The following ROBO1 variants were observed in gnomAD, a reference collection of about 807,000 sequenced individuals.
ROBO1 encodes roundabout homolog 1.
ROBO1 carries 149 observed loss-of-function variants against 195.9 expected under a neutral mutation model. The ratio of observed to expected loss-of-function variants is 0.76; its 90% CI spans 0.67 to 0.87. The LOEUF is 0.87. ROBO1 is among the 40% of genes least tolerant of loss of function. ROBO1 has a pLI of 0.00. For synonymous variants in ROBO1, 816 were observed against 733.2 expected, an observed-to-expected ratio of 1.11 and a Z score of -1.82; for missense variants, 1,933 against 2,068.3, an observed-to-expected ratio of 0.93 and a Z score of 1.27.
intron 18 of ROBO1, among the ~76,000 whole-genome samples, chr3:78,656,045 T>A (rs1248993029): frequency 2.0e-5 from 3 of 152,194 alleles, no homozygotes; most frequent in Non-Finnish European, 2.9e-5. Context: ...TTTACTAGCA[T>A]GCACTTACTA....
At chr3:79,081,404 A>C (rs2079272508) in intron 3 of ROBO1, among the ~76,000 whole-genome samples, 1 of 152,128 alleles carries the variant, frequency 6.6e-6, no homozygotes, top group South Asian at 2.1e-4. Context: ...CACTTTGTAA[A>C]CTCGAATCTT....
At position 79,121,011 on chromosome 3, in the gene ROBO1, C is replaced by T. The variant is rs534459445; in HGVS notation, c.172+4445G>A. On this transcript the variant is annotated intron_variant, in intron 3 of 30. Coordinates refer to ENST00000464233, the MANE Select transcript of ROBO1 (RefSeq NM_002941.4). ...AGCTTATAGACACAACTCATTTAAA[C>T]TCAAGACTATGTGAGATTAGGAAGA... Among the ~76,000 whole-genome samples, 12 of 152,220 alleles carry T rather than the reference C, an allele frequency of 7.9e-5. No individual in the cohort carries two copies. The South Asian group carries it at 2.5e-3, about 32-fold the overall frequency.
chr3:78,883,366 T>C (rs2036299919), intron 4 of ROBO1, among the ~76,000 whole-genome samples: 1 of 152,220 alleles, frequency 6.6e-6, no homozygotes, highest in Non-Finnish European at 1.5e-5. Flanking sequence ...TACACCTGTT[T>C]GTCTTCAACC....
chr3:79,294,632 C>G (rs1216118346), intron 2 of ROBO1, among the ~76,000 whole-genome samples: 1 of 151,926 alleles, frequency 6.6e-6, no homozygotes, highest in Non-Finnish European at 1.5e-5. Context: ...CTCTGCACAA[C>G]AAAAGAAACA....
At chr3:79,409,741 G>C (rs940755785) in intron 2 of ROBO1, among the ~76,000 whole-genome samples, 1 of 152,060 alleles carries the variant, frequency 6.6e-6, no homozygotes, top group African/African-American at 2.4e-5. Context: ...CTATTCTGTT[G>C]CTTTTTGGCA....
chr3:79,552,859 T>C (rs1942571461), intron 2 of ROBO1, among the ~76,000 whole-genome samples: 1 of 152,092 alleles, frequency 6.6e-6, no homozygotes, highest in African/African-American at 2.4e-5. Context: ...GTTCAGGTGT[T>C]TATTACTGCA....
Position 79,351,987 on chromosome 3 carries a change from A to G in ROBO1, c.89-226448T>C, listed in dbSNP as rs1413063309. On this transcript the variant is annotated intron_variant, in intron 2 of 30. Transcript: ENST00000464233. The stretch of plus-strand genomic sequence containing the variant: ...ATAAAAATAAGCTAACTGCCATTCT[A>G]CATAAGCATTCCTCTGTCCTTGCTG... 3.9e-5 allele frequency among the ~76,000 whole-genome samples: 6 copies of G among 152,322 alleles called. No individual in the cohort carries two copies. The East Asian group carries it at 1.2e-3, about 29-fold the overall frequency.
chr3:79,725,181 A>C (rs1048564864), intron 1 of ROBO1, among the ~76,000 whole-genome samples: 1 of 150,438 alleles, frequency 6.6e-6, no homozygotes, highest in African/African-American at 2.4e-5. Flanking sequence ...TGGTTTCCCA[A>C]TGCTATGTAA....
chr3:79,661,926 T>C (rs1946340815), intron 1 of ROBO1, among the ~76,000 whole-genome samples: 1 of 152,044 alleles, frequency 6.6e-6, no homozygotes, highest in Admixed American at 6.6e-5. Context: ...TTATATTTTC[T>C]CTTTTTTTTT....
intron 5 of ROBO1, among the ~76,000 whole-genome samples, chr3:78,738,627 A>G (rs2082449393): frequency 6.6e-6 from 1 of 152,124 alleles, no homozygotes; most frequent in Non-Finnish European, 1.5e-5. Flanking sequence ...AACTGTCCCC[A>G]TTTTCCCAGA....
At chr3:79,484,086 T>G (rs1334529241) in intron 2 of ROBO1, among the ~76,000 whole-genome samples, 5 of 152,210 alleles carry the variant, frequency 3.3e-5, no homozygotes, top group African/African-American at 1.2e-4. Context: ...CCTCTAAGGA[T>G]AGAAACAGCA....
intron 25 of ROBO1, among the ~76,000 whole-genome samples, chr3:78,628,520 T>A (rs1236343563): frequency 6.6e-6 from 1 of 152,150 alleles, no homozygotes; most frequent in Admixed American, 6.5e-5. Flanking sequence ...TCTTTTCTCT[T>A]ATCCCAGGGC....
chr3:79,604,256 G>A (rs1387568074), intron 1 of ROBO1, among the ~76,000 whole-genome samples: 1 of 151,976 alleles, frequency 6.6e-6, no homozygotes, highest in African/African-American at 2.4e-5. Context: ...GTAGCTATGG[G>A]ATCTAGAAGG....
chr3:78,825,170 T>C (rs191780584), intron 4 of ROBO1, among the ~76,000 whole-genome samples: 94 of 152,256 alleles, frequency 6.2e-4, no homozygotes, highest in African/African-American at 2.1e-3. Context: ...AAATACCCTA[T>C]ATAGTTCCCA....
chr3:79,559,027 C>T (rs542897998), intron 2 of ROBO1, among the ~76,000 whole-genome samples: 228 of 152,188 alleles, frequency 1.5e-3, no homozygotes, highest in African/African-American at 5.1e-3. Context: ...GTAAACAAGC[C>T]GCAACTTAAC....
At chr3:78,868,486 T>C (rs2035322448) in intron 4 of ROBO1, among the ~76,000 whole-genome samples, 1 of 152,164 alleles carries the variant, frequency 6.6e-6, no homozygotes, top group Non-Finnish European at 1.5e-5. Flanking sequence ...TTTCTTTAAA[T>C]AGTGGCATCG....
intron 5 of ROBO1, 57 bp from the exon 6 acceptor site, chr3:78,717,940 G>T: frequency 6.4e-7 from 1 of 1,553,282 alleles, no homozygotes; most frequent in Non-Finnish European, 8.8e-7. Context: ...ATGTTTACAT[G>T]ACAGATGTCT....
chr3:79,637,491 C>G (rs2108053058), intron 1 of ROBO1, among the ~76,000 whole-genome samples: 1 of 151,128 alleles, frequency 6.6e-6, no homozygotes, highest in South Asian at 2.1e-4. Flanking sequence ...TCTCTGAAGA[C>G]TCTTCCAATT....
At chr3:79,420,191 C>A (rs2038169667) in intron 2 of ROBO1, among the ~76,000 whole-genome samples, 1 of 152,014 alleles carries the variant, frequency 6.6e-6, no homozygotes, top group African/African-American at 2.4e-5. Context: ...CAGTAAAAGT[C>A]AAATACCTAA....
Sources: gnomAD v4.1 joint callset for allele counts (sites outside exome capture counted in the v4.1 genomes callset) on GRCh38, gnomAD v4.1.1 for gene constraint, MANE v1.5 for transcripts, NCBI Gene and HGNC (gene_info 2026-07-23, HGNC 2026-07-21) for gene names.